Variants in TBX21 observed in about 807,000 individuals in gnomAD.
TBX21 encodes the protein T-box transcription factor TBX21.
Under a neutral mutation model 52.2 loss-of-function variants are expected in TBX21, and 11 were observed. The ratio of observed to expected loss-of-function variants is 0.21; its 90% CI spans 0.13 to 0.35. The LOEUF (loss-of-function observed/expected upper bound fraction) is 0.35. Ranked by LOEUF, TBX21 falls within the 10% of genes least tolerant of loss-of-function variation. The pLI is 1.00. For synonymous variants in TBX21, 300 were observed against 316.1 expected, an observed-to-expected ratio of 0.95 and a Z score of 0.54; for missense variants, 625 against 755.1, an observed-to-expected ratio of 0.83 and a Z score of 2.02.
Position 47,742,901 on chromosome 17 carries a change from G to A in TBX21, c.646+137G>A. On this transcript the variant is annotated intron_variant, in intron 2 of 5. Transcript: ENST00000177694. This position sits in a 1 kb window ranked among gnomAD's most constrained non-coding sequence, Gnocchi z 4.4. ...CATCCCACGCCATTGCATCCCTCCT[G>A]TTTCTGGCTTCCTGCTTTGCTCTAG... 6.8e-7 allele frequency: 1 copy of A among 1,481,394 alleles called. No homozygotes were observed. Among genetic ancestry groups the A allele is most frequent in the Non-Finnish European group, 9.0e-7 (1 of 1,113,876 alleles). 91.8% of individuals were successfully genotyped at this position (1,481,394 alleles called of 1,614,324 possible). A position where few individuals can be genotyped will look rare whatever the true frequency, so the allele number is the denominator to read the frequency against.
intron 1 of TBX21, among the ~76,000 whole-genome samples, chr17:47,740,569 A>G (rs1485085692): frequency 6.6e-6 from 1 of 152,132 alleles, no homozygotes; most frequent in African/African-American, 2.4e-5. Flanking sequence ...CATCTCTACT[A>G]AAAATACAAA....
chr17:47,735,944 G>A (rs2032202636), intron 1 of TBX21, among the ~76,000 whole-genome samples: 1 of 152,190 alleles, frequency 6.6e-6, no homozygotes, highest in Non-Finnish European at 1.5e-5. Flanking sequence ...GGGATGGGGT[G>A]GATGGAGCAT....
At chr17:47,743,549 T>C (rs2032292069) in intron 3 of TBX21, among the ~76,000 whole-genome samples, 1 of 152,254 alleles carries the variant, frequency 6.6e-6, no homozygotes, top group Admixed American at 6.5e-5. Flanking sequence ...TCCCAGGGAA[T>C]AGATGCCGAG....
rs1042489170 is a variant in TBX21, at chr17:47,742,214, C to T, written c.492-396C>T. Among the ~76,000 whole-genome samples, 5 of 152,032 alleles carry T rather than the reference C, an allele frequency of 3.3e-5. No homozygotes were observed. The highest frequency in any genetic ancestry group is 2.1e-4 in the South Asian group (1 of 4,800). On this transcript the variant is annotated intron_variant, in intron 1 of 5. Transcript: ENST00000177694. This position sits in a 1 kb window ranked among gnomAD's most constrained non-coding sequence, Gnocchi z 4.4. ...CCTCCTGAGTAGCTAGGATTACAGG[C>T]GCCCACGACCACACCCAGCTATTTT...
In TBX21 at chr17:47,734,595, G is replaced by A. The variant is rs868364958; in HGVS notation, c.491+650G>A. Among the ~76,000 whole-genome samples, 762 of 138,808 alleles carry A rather than the reference G, an allele frequency of 5.5e-3. 7 individuals are homozygous for A. Among genetic ancestry groups the A allele is most frequent in the African/African-American group, 0.015 (554 of 35,958 alleles). 91.1% of individuals were successfully genotyped at this position (138,808 alleles called of 152,430 possible). On this transcript the variant is annotated intron_variant, in intron 1 of 5. Transcript: ENST00000177694. The stretch of plus-strand genomic sequence containing the variant: ...TGTGTGTGTGTGTGTGTGTGTGTGT[G>A]TGTGTGTGTGTGTGTATGTGTGTGT...
At chr17:47,741,336 T>C (rs2143431951) in intron 1 of TBX21, among the ~76,000 whole-genome samples, 1 of 152,124 alleles carries the variant, frequency 6.6e-6, no homozygotes, top group South Asian at 2.1e-4. Context: ...GTGCTGGTTG[T>C]AGTGGTGGTG....
rs750485652 is a variant in TBX21 at position 47,744,296 on chromosome 17, T to TATCTTTACTTATGCTGTGG, written c.880_881insATGCTGTGGATCTTTACTT (p.Phe294TyrfsTer29). The TATCTTTACTTATGCTGTGG allele has an allele frequency of 6.2e-7, 1 of 1,614,198 alleles. No individual in the cohort carries two copies. The highest frequency in any genetic ancestry group is 8.5e-7 in the Non-Finnish European group (1 of 1,180,032). On this transcript the variant is annotated frameshift_variant, in exon 4 of 6. Transcript: ENST00000177694. LOFTEE classifies it high-confidence loss of function. ...CAGCCTGCAACGCTTCCAACACGCA[T>TATCTTTACTTATGCTGTGG]ATCTTTACTTTCCAAGAAACCCAGT...
In TBX21 at chr17:47,742,062, GT is replaced by G. The variant is rs1344506212; in HGVS notation, c.492-543del. Among the ~76,000 whole-genome samples, 1 of 150,238 alleles carries G rather than the reference GT, an allele frequency of 6.7e-6. No individual in the cohort carries two copies. Among genetic ancestry groups the G allele is most frequent in the Non-Finnish European group, 1.5e-5 (1 of 67,750 alleles). ...ATAACTGGGCAGTGATGATTTTTTA[GT>G]TTTTACTCCTTTTTTTTTTTTTTGA... On this transcript the variant is annotated intron_variant, in intron 1 of 5. Transcript: ENST00000177694. The surrounding 1 kb of genome is among the most constrained non-coding windows in gnomAD (Gnocchi z 4.4).
chr17:47,733,634 G>C lies in TBX21; in HGVS notation c.180G>C (p.Gly60=), dbSNP rs946672249. 146 of 1,449,590 alleles carry C rather than the reference G, an allele frequency of 1.0e-4. No individual in the cohort carries two copies. Among genetic ancestry groups the C allele is most frequent in the Non-Finnish European group, 1.1e-4 (127 of 1,106,378 alleles). 89.8% of individuals were successfully genotyped at this position (1,449,590 alleles called of 1,614,324 possible). The change falls in exon 1 of 6, where the codon GGG becomes GGC. Residue 60 remains glycine (G), a synonymous_variant. Coordinates refer to ENST00000177694, the MANE Select transcript of TBX21 (RefSeq NM_013351.2). The surrounding 1 kb of genome is among the most constrained non-coding windows in gnomAD (Gnocchi z 6.6). ...GGGSLGSPYP[G]GALVPAPPSR... is the part of the protein sequence containing the mutation. ...GCAGCCTGGGGTCTCCCTACCCGGG[G>C]GGCGCCTTGGTGCCCGCCCCGCCGA...
Position 47,745,089 on chromosome 17 carries a change from C to T in TBX21, c.1331C>T (p.Pro444Leu), listed in dbSNP as rs373895100. 187 of 1,613,596 alleles carry T rather than the reference C, an allele frequency of 1.2e-4. No individual in the cohort carries two copies. Among genetic ancestry groups the T allele is most frequent in the Non-Finnish European group, 1.5e-4 (176 of 1,180,028 alleles). ...VAPQYPPKMGPASWFRPMRTL... is the reference protein window; with the variant it reads ...VAPQYPPKMGLASWFRPMRTL... ...CCCCAGTACCCTCCCAAGATGGGCCCGGCCAGCTGGTTCCGCCCTATGCGG... is the reference window on the plus strand; with the variant it reads ...CCCCAGTACCCTCCCAAGATGGGCCTGGCCAGCTGGTTCCGCCCTATGCGG... Residue 444 changes from proline (P) to leucine (L), a missense_variant, in exon 6 of 6, where the codon CCG (proline) becomes CTG (leucine). Coordinates refer to ENST00000177694, the MANE Select transcript of TBX21 (RefSeq NM_013351.2).
At chr17:47,744,099 C>A in intron 3 of TBX21, 96 bp from the exon 4 acceptor site, 1 of 1,493,694 alleles carries the variant, frequency 6.7e-7, no homozygotes, top group South Asian at 1.3e-5. Flanking sequence ...CCTCAAGGTG[C>A]TTGCTAGCCT....
intron 1 of TBX21, among the ~76,000 whole-genome samples, chr17:47,736,990 G>A (rs957431848): frequency 2.6e-5 from 4 of 152,058 alleles, no homozygotes; most frequent in African/African-American, 7.2e-5. Context: ...ATTGACCAGC[G>A]CCAGTGGCAT....
chr17:47,742,101 C>A lies in TBX21; in HGVS notation c.492-509C>A, dbSNP rs893146880. ...TTTTTTTTTTTGAGATGGAGACTTG[C>A]TCTTGTCATCCAGGCTGGAGGGCAG... On this transcript the variant is annotated intron_variant, in intron 1 of 5. Coordinates refer to ENST00000177694, the MANE Select transcript of TBX21 (RefSeq NM_013351.2). The surrounding 1 kb of genome is among the most constrained non-coding windows in gnomAD (Gnocchi z 4.4). 3.3e-5 allele frequency among the ~76,000 whole-genome samples: 5 copies of A among 149,296 alleles called. No individual in the cohort carries two copies. The highest frequency in any genetic ancestry group is 1.2e-4 in the African/African-American group (5 of 40,312).
In TBX21 at chr17:47,742,495, G is replaced by A. The variant is rs1272628587; in HGVS notation, c.492-115G>A. ...CCTAAACACCTTCCAGCTGGTTCTT[G>A]TGAGTGGGAGGAAGCCGGCTACAGC... On this transcript the variant is annotated intron_variant, in intron 1 of 5. Transcript: ENST00000177694. This position sits in a 1 kb window ranked among gnomAD's most constrained non-coding sequence, Gnocchi z 4.4. 3.9e-6 allele frequency: 5 copies of A among 1,287,078 alleles called. No homozygotes were observed. Among genetic ancestry groups the A allele is most frequent in the Non-Finnish European group, 5.2e-6 (5 of 958,444 alleles). The allele number at this position is 1,287,078 out of a possible 1,614,324, so 79.7% of individuals were successfully genotyped here.
chr17:47,734,585 G>A (rs529606195), intron 1 of TBX21, among the ~76,000 whole-genome samples: 2,213 of 139,296 alleles, frequency 0.016, 64 homozygotes, highest in South Asian at 0.079. Context: ...GTGTGTGTGT[G>A]TGTGTGTGTG....
intron 1 of TBX21, among the ~76,000 whole-genome samples, chr17:47,738,577 A>G (rs1009490365): frequency 2.6e-5 from 4 of 151,836 alleles, no homozygotes; most frequent in African/African-American, 7.3e-5. Context: ...ATTTTCTCAC[A>G]GCCTCATCAG....
intron 1 of TBX21, among the ~76,000 whole-genome samples, chr17:47,734,602 T>TGTGTGG (rs1555625767): frequency 2.0e-4 from 24 of 120,332 alleles, no homozygotes; most frequent in African/African-American, 6.3e-4. Flanking sequence ...TGTGTGTGTG[T>TGTGTGG]GTGTGTGTAT....
At chr17:47,738,010 C>T (rs1376443365) in intron 1 of TBX21, among the ~76,000 whole-genome samples, 1 of 150,466 alleles carries the variant, frequency 6.6e-6, no homozygotes, top group Non-Finnish European at 1.5e-5. Flanking sequence ...GTCTCAAATC[C>T]CTGATCTCAA....
In TBX21 at chr17:47,733,733, C is replaced by A; in HGVS notation, c.279C>A (p.Phe93Leu). ...AAGFPGAGES[F>L]PPPADAEGYQ... ...GCTTCCCCGGCGCGGGCGAGTCCTT[C>A]CCGCCGCCCGCGGACGCCGAGGGCT... is the stretch of plus-strand genomic sequence containing the variant. The change falls in exon 1 of 6, where the codon TTC becomes TTA. Residue 93 changes from phenylalanine to leucine, a missense_variant. Physicochemically the swap from Phe to Leu is conservative, Grantham distance 22. Coordinates refer to ENST00000177694, the MANE Select transcript of TBX21 (RefSeq NM_013351.2). The surrounding 1 kb of genome is among the most constrained non-coding windows in gnomAD (Gnocchi z 6.6). 1 of 1,439,784 alleles carries A rather than the reference C, an allele frequency of 6.9e-7. No individual in the cohort carries two copies. Among genetic ancestry groups the A allele is most frequent in the African/African-American group, 1.5e-5 (1 of 66,480 alleles). 89.2% of individuals were successfully genotyped at this position (1,439,784 alleles called of 1,614,324 possible).
Sources: gnomAD v4.1 joint callset for allele counts (sites outside exome capture counted in the v4.1 genomes callset) on GRCh38, gnomAD v4.1.1 for gene constraint, Gnocchi (gnomAD v3.1) non-coding constraint, MANE v1.5 for transcripts, NCBI Gene and HGNC (gene_info 2026-07-23, HGNC 2026-07-21) for gene names.